The following THRB variants were observed in gnomAD, a reference collection of about 807,000 sequenced individuals.
THRB encodes the protein thyroid hormone receptor beta.
Under a neutral mutation model 47.8 loss-of-function variants are expected in THRB, and 12 were observed. The observed-to-expected ratio is 0.25, with a 90% CI of 0.16 to 0.41. The LOEUF is 0.41. Ranked by LOEUF, THRB falls within the 10% of genes least tolerant of loss-of-function variation. THRB has a pLI of 1.00. For missense variants in THRB, 348 were observed against 589.2 expected, an observed-to-expected ratio of 0.59 and a Z score of 4.24; for synonymous variants, 218 against 212.2, an observed-to-expected ratio of 1.03 and a Z score of -0.24.
At chr3:24,252,403 A>T (rs781093631) in intron 3 of THRB, among the ~76,000 whole-genome samples, 1 of 152,108 alleles carries the variant, frequency 6.6e-6, no homozygotes, top group Non-Finnish European at 1.5e-5. Context: ...AACAGTAAAC[A>T]TCTAGAAAAA....
At chr3:24,435,660 C>T (rs1482698379) in intron 1 of THRB, among the ~76,000 whole-genome samples, 1 of 152,194 alleles carries the variant, frequency 6.6e-6, no homozygotes, top group African/African-American at 2.4e-5. Flanking sequence ...TCCCACAATG[C>T]CAGAAGGCAG....
intron 3 of THRB, among the ~76,000 whole-genome samples, chr3:24,275,252 T>C (rs2053789016): frequency 6.6e-6 from 1 of 152,108 alleles, no homozygotes; most frequent in East Asian, 1.9e-4. Context: ...AAAAATTAAA[T>C]AAAAGTTTTA....
intron 5 of THRB, among the ~76,000 whole-genome samples, chr3:24,186,219 A>C (rs1472369703): frequency 6.6e-6 from 1 of 152,116 alleles, no homozygotes; most frequent in Non-Finnish European, 1.5e-5. Flanking sequence ...CTAGAGATTC[A>C]CTAGTCTGGG....
At chr3:24,470,052 C>G (rs893186738) in intron 1 of THRB, among the ~76,000 whole-genome samples, 1 of 152,166 alleles carries the variant, frequency 6.6e-6, no homozygotes, top group Non-Finnish European at 1.5e-5. Context: ...AAGAAATACT[C>G]CCAAAGCTGA....
chr3:24,331,188 C>A (rs146570804), intron 2 of THRB, among the ~76,000 whole-genome samples: 21 of 152,162 alleles, frequency 1.4e-4, no homozygotes, highest in Admixed American at 5.2e-4. Flanking sequence ...GCGTTAATTT[C>A]TTTCTTATTT....
chr3:24,124,293 TTG>T (rs1410132950), intron 10 of THRB, among the ~76,000 whole-genome samples: 1 of 152,218 alleles, frequency 6.6e-6, no homozygotes, highest in East Asian at 1.9e-4. Context: ...CATTTTTATC[TTG>T]TGTTTTCCTT....
At chr3:24,196,384 A>G (rs1356200890) in intron 4 of THRB, among the ~76,000 whole-genome samples, 1 of 152,162 alleles carries the variant, frequency 6.6e-6, no homozygotes, top group Non-Finnish European at 1.5e-5. Context: ...GGAACTTTAG[A>G]GATGTGGGTT....
intron 2 of THRB, among the ~76,000 whole-genome samples, chr3:24,301,720 G>A (rs572523318): frequency 5.7e-4 from 87 of 152,240 alleles, no homozygotes; most frequent in African/African-American, 2.0e-3. Flanking sequence ...CTTTATTGCC[G>A]AATCCTGTAA....
chr3:24,264,804 A>T (rs199808844), intron 3 of THRB, among the ~76,000 whole-genome samples: 39,520 of 151,644 alleles, frequency 0.26, 5,242 homozygotes, highest in South Asian at 0.38. Context: ...GCAAAAAAAA[A>T]AAAACTGGAC....
intron 3 of THRB, among the ~76,000 whole-genome samples, chr3:24,295,980 G>A (rs1173814297): frequency 3.9e-5 from 6 of 152,148 alleles, no homozygotes; most frequent in African/African-American, 1.4e-4. Flanking sequence ...TTTGGCTAGT[G>A]GCTGCAGTAA....
chr3:24,454,934 T>C (rs915733941), intron 1 of THRB, among the ~76,000 whole-genome samples: 3 of 152,078 alleles, frequency 2.0e-5, no homozygotes, highest in African/African-American at 7.2e-5. Context: ...AACAGCACCA[T>C]AGAAAATGTA....
intron 4 of THRB, among the ~76,000 whole-genome samples, chr3:24,194,822 G>A (rs962378855): frequency 3.3e-5 from 5 of 152,176 alleles, no homozygotes; most frequent in Non-Finnish European, 7.3e-5. Context: ...ACACAAGAGC[G>A]AGCTGATACC....
intron 4 of THRB, among the ~76,000 whole-genome samples, chr3:24,222,916 C>A (rs1181452613): frequency 6.6e-6 from 1 of 152,156 alleles, no homozygotes; most frequent in Non-Finnish European, 1.5e-5. Flanking sequence ...TTGGTCACAT[C>A]TGGGGAGACA....
At chr3:24,373,972 T>C (rs554882006) in intron 1 of THRB, among the ~76,000 whole-genome samples, 2 of 152,188 alleles carry the variant, frequency 1.3e-5, no homozygotes, top group Non-Finnish European at 2.9e-5. Context: ...GGTTTATAAA[T>C]CTTCTTTCAC....
At chr3:24,467,079 AAATCCTT>A (rs2074214738) in intron 1 of THRB, among the ~76,000 whole-genome samples, 1 of 152,246 alleles carries the variant, frequency 6.6e-6, no homozygotes, top group African/African-American at 2.4e-5. Context: ...GGAATATTCT[AAATCCTT>A]TGTTGTCACT....
chr3:24,451,301 T>A (rs1338961968), intron 1 of THRB, among the ~76,000 whole-genome samples: 2 of 147,182 alleles, frequency 1.4e-5, no homozygotes, highest in Non-Finnish European at 3.0e-5. Context: ...TGGCGCGATC[T>A]CAGCTCACTG....
chr3:24,256,423 G>A lies in THRB; in HGVS notation c.-42-27422C>T, dbSNP rs984092736. Among the ~76,000 whole-genome samples the A allele has an allele frequency of 2.0e-5, 3 of 152,098 alleles. No individual in the cohort carries two copies. The East Asian group carries it at 5.8e-4, about 29-fold the overall frequency. On this transcript the variant is annotated intron_variant, in intron 3 of 10. Transcript: ENST00000646209. ...CTTTCAGAAGTTTGGCTGGAAAGAG[G>A]AGAATAAATAATTGTGAGTTCGTTG...
chr3:24,212,118 G>C, intron 4 of THRB, among the ~76,000 whole-genome samples: 1 of 152,128 alleles, frequency 6.6e-6, no homozygotes, highest in East Asian at 1.9e-4. Flanking sequence ...ACAAAAATTG[G>C]CCAGGCATGG....
chr3:24,255,991 C>A (rs1334878650), intron 3 of THRB, among the ~76,000 whole-genome samples: 1 of 152,108 alleles, frequency 6.6e-6, no homozygotes, highest in Non-Finnish European at 1.5e-5. Flanking sequence ...AGAACTGCAG[C>A]TAGAGCAAGA....
Sources: gnomAD v4.1 joint callset for allele counts (sites outside exome capture counted in the v4.1 genomes callset) on GRCh38, gnomAD v4.1.1 for gene constraint, MANE v1.5 for transcripts, NCBI Gene and HGNC (gene_info 2026-07-23, HGNC 2026-07-21) for gene names.